Variants in FAM171A2 observed in about 807,000 individuals in gnomAD.
FAM171A2 encodes the protein protein FAM171A2.
In FAM171A2, 13 loss-of-function variants were observed where a neutral mutation model predicts 34.2. That is an observed-to-expected ratio of 0.38 (90% CI 0.25 to 0.60). The LOEUF (loss-of-function observed/expected upper bound fraction) is 0.60. Ranked by LOEUF, FAM171A2 falls within the 20% of genes least tolerant of loss-of-function variation. The pLI, the probability that FAM171A2 is intolerant of heterozygous loss-of-function variation, is 0.62. For missense variants in FAM171A2, 950 were observed against 1,180.7 expected (o/e 0.80, Z 2.86); for synonymous variants, 475 against 561.2 (o/e 0.85, Z 2.17).
intron 1 of FAM171A2, among the ~76,000 whole-genome samples, chr17:44,361,731 T>C (rs918499301): frequency 6.6e-6 from 1 of 152,212 alleles, no homozygotes; most frequent in Non-Finnish European, 1.5e-5. Context: ...ATTTAATTCT[T>C]ACTTCAATTT....
At chr17:44,357,714 A>T (rs944736595) in intron 3 of FAM171A2, among the ~76,000 whole-genome samples, 2 of 107,584 alleles carry the variant, frequency 1.9e-5, no homozygotes, top group African/African-American at 7.8e-5. Flanking sequence ...TGGCTACTGC[A>T]TTAGACAGTT....
Position 44,353,626 on chromosome 17 carries a change from C to T in FAM171A2, c.*107G>A. 2 of 907,690 alleles carry T rather than the reference C, an allele frequency of 2.2e-6. No homozygotes were observed. Among genetic ancestry groups the T allele is most frequent in the Non-Finnish European group, 2.8e-6 (2 of 709,366 alleles). The allele number at this position is 907,690 out of a possible 1,614,324, so 56.2% of individuals were successfully genotyped here. ...AGCTCCAAGGCCCCTGGGCCCCTCT[C>T]CGGCCTGGGGCTGGGAGCTACGCGC... On this transcript the variant is annotated 3_prime_UTR_variant, in exon 8 of 8. Transcript: ENST00000293443.
In FAM171A2 at chr17:44,354,619, A is replaced by G. The variant is rs1049862927; in HGVS notation, c.1595T>C (p.Val532Ala). The G allele has an allele frequency of 7.9e-6, 10 of 1,271,666 alleles. No individual in the cohort carries two copies. The highest frequency in any genetic ancestry group is 1.6e-5 in the African/African-American group (1 of 64,306). The allele number at this position is 1,271,666 out of a possible 1,614,324, so 78.8% of individuals were successfully genotyped here. A position where few individuals can be genotyped will look rare whatever the true frequency, so the allele number is the denominator to read the frequency against. Residue 532 changes from valine to alanine, a missense_variant, in exon 8 of 8, where the codon GTC (valine) becomes GCC (alanine). By Grantham distance (64) the Val-to-Ala change is moderately conservative. Transcript: ENST00000293443. The surrounding 1 kb of genome is among the most constrained non-coding windows in gnomAD (Gnocchi z 5.8). The stretch of plus-strand genomic sequence containing the variant: ...CAGGGTGGGCATGACGTTGCGGTAG[A>G]CGTTGTCCTTGAGGTGGTCGATGGA... Reference protein sequence around the residue: ...CGSIDHLKDNVYRNVMPTLVI... With the variant: ...CGSIDHLKDNAYRNVMPTLVI...
rs932763778 is a variant in FAM171A2 at position 44,355,710 on chromosome 17, C to T, written c.1022+5G>A. 5.8e-6 allele frequency: 9 copies of T among 1,551,422 alleles called. No individual in the cohort carries two copies. The African/African-American group carries it at 1.2e-4, about 21-fold the overall frequency. Reference sequence around the variant, plus strand: ...AGGGGAGGGTGAGGGAAGCCCCGTGCTCACCGGCAGTAGTAGATGAGCAGA... The same window carrying T: ...AGGGGAGGGTGAGGGAAGCCCCGTGTTCACCGGCAGTAGTAGATGAGCAGA... On this transcript the variant is annotated splice_donor_5th_base_variant and intron_variant, in intron 7 of 7. Coordinates refer to ENST00000293443, the MANE Select transcript of FAM171A2 (RefSeq NM_198475.3). This position sits in a 1 kb window ranked among gnomAD's most constrained non-coding sequence, Gnocchi z 4.1.
At chr17:44,359,456 A>G in intron 3 of FAM171A2, 123 bp downstream of exon 3, 1 of 770,328 alleles carries the variant, frequency 1.3e-6, no homozygotes, top group Non-Finnish European at 2.2e-6. Context: ...AAATGAGCAA[A>G]TTATGGCTCA....
chr17:44,353,784 G>T lies in FAM171A2; in HGVS notation c.2430C>A (p.Ser810Arg). 2 of 1,437,826 alleles carry T rather than the reference G, an allele frequency of 1.4e-6. No individual in the cohort carries two copies. Among genetic ancestry groups the T allele is most frequent in the African/African-American group, 3.0e-5 (2 of 67,234 alleles). 89.1% of individuals were successfully genotyped at this position (1,437,826 alleles called of 1,614,324 possible). A position where few individuals can be genotyped will look rare whatever the true frequency, so the allele number is the denominator to read the frequency against. Residue 810 changes from serine (S) to arginine (R), a missense_variant, in exon 8 of 8, where the codon AGC (serine) becomes AGA (arginine). Around this residue, in one of 3 missense-constraint regions of FAM171A2, gnomAD observed 191 missense variants for 222.8 expected, o/e 0.86. Transcript: ENST00000293443. ...GCCGCTCCTCCCGCCGCTGCCACGGGCTCTTCTTGTCTCCCGCCTCGTCGC... is the reference window on the plus strand; with the variant it reads ...GCCGCTCCTCCCGCCGCTGCCACGGTCTCTTCTTGTCTCCCGCCTCGTCGC... ...EVGDEAGDKK[S>R]PWQRREERPL... is the part of the protein sequence containing the mutation.
At position 44,360,002 on chromosome 17, in the gene FAM171A2, C is replaced by T. The variant is rs1207065998; in HGVS notation, c.249G>A (p.Leu83=). Residue 83 remains leucine (L), a synonymous_variant, in exon 2 of 8, where the codon CTG becomes CTA. Coordinates refer to ENST00000293443, the MANE Select transcript of FAM171A2 (RefSeq NM_198475.3). The part of the protein sequence containing the change: ...GTTDSEGVAT[L]PLSYRLGTWV... ...AGGTGCCCAAGCGATAACTGAGGGG[C>T]AGGGTGGCCACACCCTCTGAGTCTG... 1 of 1,551,726 alleles carries T rather than the reference C, an allele frequency of 6.4e-7. No individual in the cohort carries two copies. Among genetic ancestry groups the T allele is most frequent in the Non-Finnish European group, 8.7e-7 (1 of 1,147,008 alleles).
At position 44,353,808 on chromosome 17, in the gene FAM171A2, GC is replaced by G; in HGVS notation, c.2405del (p.Gly802AlafsTer19). On this transcript the variant is annotated frameshift_variant, in exon 8 of 8. Transcript: ENST00000293443. LOFTEE classifies it high-confidence loss of function. The stretch of plus-strand genomic sequence containing the variant: ...GGCTCTTCTTGTCTCCCGCCTCGTC[GC>G]CCACCTCCGCCCCCAGCTCGTCCTC... ...SPEDELGAEV[G>X]DEAGDKKSPW... The G allele has an allele frequency of 7.0e-7, 1 of 1,425,628 alleles. No individual in the cohort carries two copies. The highest frequency in any genetic ancestry group is 9.2e-7 in the Non-Finnish European group (1 of 1,091,180). The allele number at this position is 1,425,628 out of a possible 1,614,324, so 88.3% of individuals were successfully genotyped here.
rs551539450 is a variant in FAM171A2, at chr17:44,355,619, T to C, written c.1022+96A>G. 4.7e-6 allele frequency: 7 copies of C among 1,486,780 alleles called. No homozygotes were observed. The African/African-American group carries it at 8.3e-5, about 18-fold the overall frequency. The allele number at this position is 1,486,780 out of a possible 1,614,324, so 92.1% of individuals were successfully genotyped here. ...CATGTTTGCAGGAAGTCTTTTCCTG[T>C]CTGCCCCTTGAGGACCAGAAGTGGA... On this transcript the variant is annotated intron_variant, in intron 7 of 7. Transcript: ENST00000293443. The surrounding 1 kb of genome is among the most constrained non-coding windows in gnomAD (Gnocchi z 4.1).
At position 44,353,779 on chromosome 17, in the gene FAM171A2, C is replaced by T; in HGVS notation, c.2435G>A (p.Trp812Ter). The change falls in exon 8 of 8, where the codon TGG (tryptophan) becomes TAG (stop). Residue 812 changes from tryptophan (W) to a stop codon, truncating the protein, a stop_gained. Coordinates refer to ENST00000293443, the MANE Select transcript of FAM171A2 (RefSeq NM_198475.3). LOFTEE classifies it high-confidence loss of function. ...CAGCGGCCGCTCCTCCCGCCGCTGC[C>T]ACGGGCTCTTCTTGTCTCCCGCCTC... ...GDEAGDKKSP[W>*]QRREERPLMV... 1 of 1,438,200 alleles carries T rather than the reference C, an allele frequency of 7.0e-7. No homozygotes were observed. Among genetic ancestry groups the T allele is most frequent in the Non-Finnish European group, 9.1e-7 (1 of 1,096,860 alleles). 89.1% of individuals were successfully genotyped at this position (1,438,200 alleles called of 1,614,324 possible).
chr17:44,363,125 C>T (rs1215181054), intron 1 of FAM171A2, among the ~76,000 whole-genome samples: 1 of 152,100 alleles, frequency 6.6e-6, no homozygotes, highest in Admixed American at 6.5e-5. Context: ...CCCCTCCCCC[C>T]TTCAAACCCA....
rs1381271479 is a variant in FAM171A2 at position 44,355,942 on chromosome 17, G to A, written c.895+16C>T. The stretch of plus-strand genomic sequence containing the variant: ...CTCCTCCGCGGCCTCTACGCCCACT[G>A]CCCCACTACTCTTACCAGCCGTGGG... On this transcript the variant is annotated intron_variant, in intron 6 of 7. Coordinates refer to ENST00000293443, the MANE Select transcript of FAM171A2 (RefSeq NM_198475.3). The surrounding 1 kb of genome is among the most constrained non-coding windows in gnomAD (Gnocchi z 4.1). 2 of 1,539,914 alleles carry A rather than the reference G, an allele frequency of 1.3e-6. No individual in the cohort carries two copies.
chr17:44,359,874 G>A, intron 2 of FAM171A2, 31 bp downstream of exon 2: 1 of 1,500,518 alleles, frequency 6.7e-7, no homozygotes, highest in Non-Finnish European at 9.0e-7. Context: ...GTCAGCTGCT[G>A]TCCCCCCCCT....
At chr17:44,361,722 TTTAA>T (rs1649301241) in intron 1 of FAM171A2, among the ~76,000 whole-genome samples, 2 of 152,130 alleles carry the variant, frequency 1.3e-5, no homozygotes, top group South Asian at 4.1e-4. Context: ...TTTGATGTGA[TTTAA>T]TTCTTACTTC....
At chr17:44,359,872 C>G in intron 2 of FAM171A2, 33 bp downstream of exon 2, 2 of 1,498,496 alleles carry the variant, frequency 1.3e-6, no homozygotes, top group Non-Finnish European at 1.8e-6. Flanking sequence ...GGGTCAGCTG[C>G]TGTCCCCCCC....
In FAM171A2 at chr17:44,354,647, C is replaced by T; in HGVS notation, c.1567G>A (p.Gly523Ser). 6 of 1,300,004 alleles carry T rather than the reference C, an allele frequency of 4.6e-6. No individual in the cohort carries two copies. Among genetic ancestry groups the T allele is most frequent in the South Asian group, 2.1e-5 (1 of 47,766 alleles). The allele number at this position is 1,300,004 out of a possible 1,614,324, so 80.5% of individuals were successfully genotyped here. Residue 523 changes from glycine (G) to serine (S), a missense_variant, in exon 8 of 8, where the codon GGC (glycine) becomes AGC (serine). Physicochemically the swap from Gly to Ser is moderately conservative, Grantham distance 56. This residue lies in a region of FAM171A2 where 752 missense variants were observed against 924.5 expected (regional missense o/e 0.81). Transcript: ENST00000293443. The surrounding 1 kb of genome is among the most constrained non-coding windows in gnomAD (Gnocchi z 5.8). ...LGQAGQLIFC[G>S]SIDHLKDNVY... is the part of the protein sequence containing the mutation. ...TTGTCCTTGAGGTGGTCGATGGAGC[C>T]GCAGAAGATGAGCTGCCCCGCCTGG...
rs2143368181 is a variant in FAM171A2, at chr17:44,355,369, C to G, written c.1023-178G>C. On this transcript the variant is annotated intron_variant, in intron 7 of 7. Transcript: ENST00000293443. This position sits in a 1 kb window ranked among gnomAD's most constrained non-coding sequence, Gnocchi z 4.1. ...GTCCGTTTGGCGATCCCCTCAGGGT[C>G]AACTCTGCACTCCTCTGCATGTAGG... Among the ~76,000 whole-genome samples, 1 of 152,348 alleles carries G rather than the reference C, an allele frequency of 6.6e-6. No homozygotes were observed. Among genetic ancestry groups the G allele is most frequent in the Admixed American group, 6.5e-5 (1 of 15,310 alleles).
chr17:44,359,464 TCA>T, intron 3 of FAM171A2, 113 bp downstream of exon 3: 1 of 821,078 alleles, frequency 1.2e-6, no homozygotes. Flanking sequence ...AAATTATGGC[TCA>T]GAGAGGTGAA....
At position 44,353,661 on chromosome 17, in the gene FAM171A2, C is replaced by CGCGGGCCCCCGGGGCGCGCACCCAGGGT; in HGVS notation, c.*71_*72insACCCTGGGTGCGCGCCCCGGGGGCCCGC. 8.7e-7 allele frequency: 1 copy of CGCGGGCCCCCGGGGCGCGCACCCAGGGT among 1,149,042 alleles called. No individual in the cohort carries two copies. Among genetic ancestry groups the CGCGGGCCCCCGGGGCGCGCACCCAGGGT allele is most frequent in the Non-Finnish European group, 1.1e-6 (1 of 924,762 alleles). The allele number at this position is 1,149,042 out of a possible 1,614,324, so 71.2% of individuals were successfully genotyped here. A position where few individuals can be genotyped will look rare whatever the true frequency, so the allele number is the denominator to read the frequency against. ...GCTGGGAGCTACGCGCGAGGGCCCC[C>CGCGGGCCCCCGGGGCGCGCACCCAGGGT]GCGGGCCCCCGGGGCGCGCACCCTG... On this transcript the variant is annotated 3_prime_UTR_variant, in exon 8 of 8. Coordinates refer to ENST00000293443, the MANE Select transcript of FAM171A2 (RefSeq NM_198475.3).
Sources: gnomAD v4.1 joint callset for allele counts (sites outside exome capture counted in the v4.1 genomes callset) on GRCh38, gnomAD v4.1.1 for gene constraint, gnomAD v4.1.1 regional missense constraint, Gnocchi (gnomAD v3.1) non-coding constraint, MANE v1.5 for transcripts, NCBI Gene and HGNC (gene_info 2026-07-23, HGNC 2026-07-21) for gene names.